Variants in ARF6 observed in about 807,000 individuals in gnomAD.
ARF6 encodes the protein ARF GTPase 6, also known as ADP-ribosylation factor 6.
For synonymous variants in ARF6, 127 were observed against 95.5 expected, an observed-to-expected ratio of 1.33 and a Z score of -1.92; for missense variants, 75 against 232.0, an observed-to-expected ratio of 0.32 and a Z score of 4.40.
chr14:49,895,324 A>G lies in ARF6; in HGVS notation c.*1060A>G, dbSNP rs1894507383. ...AAAGGTTTACTTTGTTCATTAATAA[A>G]ACATTTAACAATTCAAATTATATGC... On this transcript the variant is annotated 3_prime_UTR_variant, in exon 2 of 2. Transcript: ENST00000298316. The G allele has an allele frequency of 6.0e-6, 1 of 167,100 alleles. No homozygotes were observed. The highest frequency in any genetic ancestry group is 2.1e-4 in the South Asian group (1 of 4,834). The allele number at this position is 167,100 out of a possible 1,614,324, so 10.4% of individuals were successfully genotyped here.
Position 49,894,000 on chromosome 14 carries a change from G to T in ARF6, c.264G>T (p.Val88=), listed in dbSNP as rs1566734469. The T allele has an allele frequency of 6.2e-7, 1 of 1,614,240 alleles. No homozygotes were observed. Among genetic ancestry groups the T allele is most frequent in the Non-Finnish European group, 8.5e-7 (1 of 1,180,054 alleles). Residue 88 remains valine (V), a synonymous_variant, in exon 2 of 2, where the codon GTG becomes GTT. Coordinates refer to ENST00000298316, the MANE Select transcript of ARF6 (RefSeq NM_001663.4). The part of the protein sequence containing the change: ...YTGTQGLIFV[V]DCADRDRIDE... ...GGACCCAAGGTCTCATCTTCGTAGT[G>T]GACTGCGCCGACCGCGACCGCATCG...
rs1280607927 is a variant in ARF6, at chr14:49,893,717, G to A, written c.-20G>A. On this transcript the variant is annotated 5_prime_UTR_variant, in exon 2 of 2. Transcript: ENST00000298316. ...GACCCGGGACACCTGAATGCCCCCG[G>A]CCCCGGCTCCTCCGACGCGATGGGG... is the stretch of plus-strand genomic sequence containing the variant. 1 of 1,604,520 alleles carries A rather than the reference G, an allele frequency of 6.2e-7. No homozygotes were observed. Among genetic ancestry groups the A allele is most frequent in the Non-Finnish European group, 8.5e-7 (1 of 1,172,366 alleles).
rs140399482 is a variant in ARF6 at position 49,893,760 on chromosome 14, C to A, written c.24C>A (p.Ile8=). 7.4e-4 allele frequency: 1,193 copies of A among 1,614,078 alleles called. 1 individual carries two copies. The highest frequency in any genetic ancestry group is 9.2e-4 in the Non-Finnish European group (1,083 of 1,179,884). Residue 8 remains isoleucine, a synonymous_variant, in exon 2 of 2, where the codon ATC becomes ATA. Transcript: ENST00000298316. ...CGATGGGGAAGGTGCTATCCAAAAT[C>A]TTCGGGAACAAGGAAATGCGGATCC... The part of the protein sequence containing the change: MGKVLSK[I]FGNKEMRILM...
rs1594841472 is a variant in ARF6, at chr14:49,894,997, C to A, written c.*733C>A. ...TCAGCAAGTAAGTTCTGAAACACAT[C>A]ATGCATGAGTAGGAATAAAACCCAA... On this transcript the variant is annotated 3_prime_UTR_variant, in exon 2 of 2. Transcript: ENST00000298316. 2 of 167,014 alleles carry A rather than the reference C, an allele frequency of 1.2e-5. No homozygotes were observed. The highest frequency in any genetic ancestry group is 2.4e-5 in the African/African-American group (1 of 41,444). 10.3% of individuals were successfully genotyped at this position (167,014 alleles called of 1,614,324 possible).
Position 49,894,380 on chromosome 14 carries a change from GAGTTACT to G in ARF6, c.*117_*123del. On this transcript the variant is annotated 3_prime_UTR_variant, in exon 2 of 2. Coordinates refer to ENST00000298316, the MANE Select transcript of ARF6 (RefSeq NM_001663.4). ...TCTCTTCTTTTGAATTTGAACTCTG[GAGTTACT>G]GTTCTACAGTTTGGCGGGGACGGGG... The G allele has an allele frequency of 1.8e-6, 2 of 1,133,686 alleles. No individual in the cohort carries two copies. The highest frequency in any genetic ancestry group is 1.2e-6 in the Non-Finnish European group (1 of 810,252). 70.2% of individuals were successfully genotyped at this position (1,133,686 alleles called of 1,614,324 possible).
chr14:49,894,295 G>C lies in ARF6; in HGVS notation c.*31G>C. Reference sequence around the variant, plus strand: ...ATTCTCCACCCATCCCCTGGAAGGAGAGAAATCAAAAACCCATTCATAGGA... The same window carrying C: ...ATTCTCCACCCATCCCCTGGAAGGACAGAAATCAAAAACCCATTCATAGGA... On this transcript the variant is annotated 3_prime_UTR_variant, in exon 2 of 2. Transcript: ENST00000298316. The C allele has an allele frequency of 1.3e-6, 2 of 1,558,634 alleles. No individual in the cohort carries two copies. The highest frequency in any genetic ancestry group is 4.6e-5 in the East Asian group (2 of 43,544).
In ARF6 at chr14:49,894,516, T is replaced by A. The variant is rs1281809569; in HGVS notation, c.*252T>A. 5.1e-6 allele frequency: 2 copies of A among 388,868 alleles called. No homozygotes were observed. The highest frequency in any genetic ancestry group is 4.3e-5 in the African/African-American group (2 of 46,358). The allele number at this position is 388,868 out of a possible 1,614,324, so 24.1% of individuals were successfully genotyped here. ...GGATGCTCTGATCTGACATTTGACATGAACACAAAGTTGCTAGATGCTCTT... is the reference window on the plus strand; with the variant it reads ...GGATGCTCTGATCTGACATTTGACAAGAACACAAAGTTGCTAGATGCTCTT... On this transcript the variant is annotated 3_prime_UTR_variant, in exon 2 of 2. Transcript: ENST00000298316.
Position 49,894,454 on chromosome 14 carries a change from T to A in ARF6, c.*190T>A. On this transcript the variant is annotated 3_prime_UTR_variant, in exon 2 of 2. Transcript: ENST00000298316. ...TTTGTTTGTTTCCCTTTCTTTTTCC[T>A]TTTTTTTTTTTTTTTTTTTTTGTTG... The A allele has an allele frequency of 6.8e-4, 3 of 4,434 alleles. No homozygotes were observed. The highest frequency in any genetic ancestry group is 1.9e-3 in the Non-Finnish European group (3 of 1,548). 0.3% of individuals were successfully genotyped at this position (4,434 alleles called of 1,614,324 possible).
rs1383150121 is a variant in ARF6 at position 49,893,692 on chromosome 14, G to T, written c.-45G>T. 1.3e-6 allele frequency: 2 copies of T among 1,588,938 alleles called. No homozygotes were observed. The highest frequency in any genetic ancestry group is 1.1e-5 in the South Asian group (1 of 88,800). On this transcript the variant is annotated 5_prime_UTR_variant, in exon 2 of 2. Coordinates refer to ENST00000298316, the MANE Select transcript of ARF6 (RefSeq NM_001663.4). Reference sequence around the variant, plus strand: ...CGGCGGCGGCGTTGTTGGCTGAGGGGACCCGGGACACCTGAATGCCCCCGG... The same window carrying T: ...CGGCGGCGGCGTTGTTGGCTGAGGGTACCCGGGACACCTGAATGCCCCCGG...
At position 49,896,367 on chromosome 14, in the gene ARF6, T is replaced by C. The variant is rs955564973; in HGVS notation, c.*2103T>C. The C allele has an allele frequency of 1.8e-5, 3 of 167,032 alleles. No homozygotes were observed. The highest frequency in any genetic ancestry group is 4.8e-5 in the African/African-American group (2 of 41,438). 10.3% of individuals were successfully genotyped at this position (167,032 alleles called of 1,614,324 possible). On this transcript the variant is annotated 3_prime_UTR_variant, in exon 2 of 2. Transcript: ENST00000298316. ...GATTGCATTTTAAAGTATATAAATA[T>C]GGGTTATCCAATATCAATGCTATAG...
rs61755571 is a variant in ARF6, at chr14:49,894,136, G to A, written c.400G>A (p.Glu134Lys). The A allele has an allele frequency of 6.2e-7, 1 of 1,614,120 alleles. No homozygotes were observed. The highest frequency in any genetic ancestry group is 8.5e-7 in the Non-Finnish European group (1 of 1,180,030). The change falls in exon 2 of 2, where the codon GAG (glutamate) becomes AAG (lysine). Residue 134 changes from glutamate to lysine, a missense_variant. Transcript: ENST00000298316. ...QDLPDAMKPH[E>K]IQEKLGLTRI... is the part of the protein sequence containing the mutation. ...CCTGCCCGATGCCATGAAACCCCAC[G>A]AGATCCAGGAGAAACTGGGCCTGAC...
At position 49,893,907 on chromosome 14, in the gene ARF6, C is replaced by T. The variant is rs1566734430; in HGVS notation, c.171C>T (p.Val57=). Residue 57 remains valine, a synonymous_variant, in exon 2 of 2, where the codon GTC becomes GTT. Transcript: ENST00000298316. ...FNVETVTYKN[V]KFNVWDVGGQ... is the part of the protein sequence containing the mutation. ...TGGAGACGGTGACTTACAAAAATGT[C>T]AAGTTCAACGTATGGGATGTGGGCG... The T allele has an allele frequency of 1.2e-6, 2 of 1,614,190 alleles. No individual in the cohort carries two copies. Among genetic ancestry groups the T allele is most frequent in the South Asian group, 1.1e-5 (1 of 91,068 alleles).
chr14:49,894,448 T>C lies in ARF6; in HGVS notation c.*184T>C. 1.9e-6 allele frequency: 1 copy of C among 520,334 alleles called. No homozygotes were observed. Among genetic ancestry groups the C allele is most frequent in the Non-Finnish European group, 3.2e-6 (1 of 314,142 alleles). 32.2% of individuals were successfully genotyped at this position (520,334 alleles called of 1,614,324 possible). A position where few individuals can be genotyped will look rare whatever the true frequency, so the allele number is the denominator to read the frequency against. On this transcript the variant is annotated 3_prime_UTR_variant, in exon 2 of 2. Coordinates refer to ENST00000298316, the MANE Select transcript of ARF6 (RefSeq NM_001663.4). The stretch of plus-strand genomic sequence containing the variant: ...TTCTCTTTTGTTTGTTTCCCTTTCT[T>C]TTTCCTTTTTTTTTTTTTTTTTTTT...
In ARF6 at chr14:49,894,027, T is replaced by G; in HGVS notation, c.291T>G (p.Asp97Glu). 1.2e-6 allele frequency: 2 copies of G among 1,614,182 alleles called. No individual in the cohort carries two copies. The highest frequency in any genetic ancestry group is 4.5e-5 in the East Asian group (2 of 44,882). ...VVDCADRDRI[D>E]EARQELHRII... is the part of the protein sequence containing the mutation. ...ACTGCGCCGACCGCGACCGCATCGA[T>G]GAGGCTCGCCAGGAGCTGCACCGCA... The change falls in exon 2 of 2, where the codon GAT (aspartate) becomes GAG (glutamate). Residue 97 changes from aspartate to glutamate, a missense_variant. Asp to Glu is a conservative substitution (Grantham distance 45, BLOSUM62 2). Transcript: ENST00000298316.
chr14:49,894,225 T>C lies in ARF6; in HGVS notation c.489T>C (p.Tyr163=), dbSNP rs140506930. The change falls in exon 2 of 2, where the codon TAT becomes TAC. Residue 163 remains tyrosine (Y), a synonymous_variant. Transcript: ENST00000298316. ...GTGCCACCTCAGGGGACGGACTCTA[T>C]GAGGGGCTCACATGGTTAACCTCTA... ...PSCATSGDGL[Y]EGLTWLTSNY... is the part of the protein sequence containing the mutation. The C allele has an allele frequency of 8.0e-5, 129 of 1,613,936 alleles. 1 individual carries two copies. The African/African-American group carries it at 1.4e-3, about 17-fold the overall frequency.
Position 49,893,696 on chromosome 14 carries a change from CG to C in ARF6, c.-38del. On this transcript the variant is annotated 5_prime_UTR_variant, in exon 2 of 2. Coordinates refer to ENST00000298316, the MANE Select transcript of ARF6 (RefSeq NM_001663.4). Reference sequence around the variant, plus strand: ...GGCGGCGTTGTTGGCTGAGGGGACCCGGGACACCTGAATGCCCCCGGCCCCG... The same window carrying C: ...GGCGGCGTTGTTGGCTGAGGGGACCCGGACACCTGAATGCCCCCGGCCCCG... 6.3e-7 allele frequency: 1 copy of C among 1,591,876 alleles called. No individual in the cohort carries two copies. The highest frequency in any genetic ancestry group is 8.6e-7 in the Non-Finnish European group (1 of 1,165,482).
rs1192129115 is a variant in ARF6 at position 49,896,577 on chromosome 14, A to G, written c.*2313A>G. 1 of 166,988 alleles carries G rather than the reference A, an allele frequency of 6.0e-6. No homozygotes were observed. Among genetic ancestry groups the G allele is most frequent in the African/African-American group, 2.4e-5 (1 of 41,418 alleles). The allele number at this position is 166,988 out of a possible 1,614,324, so 10.3% of individuals were successfully genotyped here. ...AAATTTTATACATCAAGTGATTGCT[A>G]TTATTGAATGTTGCAGGTGAGATGT... On this transcript the variant is annotated 3_prime_UTR_variant, in exon 2 of 2. Coordinates refer to ENST00000298316, the MANE Select transcript of ARF6 (RefSeq NM_001663.4).
Position 49,895,460 on chromosome 14 carries a change from A to G in ARF6, c.*1196A>G, listed in dbSNP as rs1406468031. On this transcript the variant is annotated 3_prime_UTR_variant, in exon 2 of 2. Coordinates refer to ENST00000298316, the MANE Select transcript of ARF6 (RefSeq NM_001663.4). ...AGATGAGTGATCCGCATCTCCATCA[A>G]TTAGAACACTGGAAAAGATGTTTTA... The G allele has an allele frequency of 1.8e-5, 3 of 167,262 alleles. No homozygotes were observed. The highest frequency in any genetic ancestry group is 4.8e-5 in the African/African-American group (2 of 41,608). 10.4% of individuals were successfully genotyped at this position (167,262 alleles called of 1,614,324 possible).
rs1378930737 is a variant in ARF6 at position 49,895,649 on chromosome 14, GA to G, written c.*1388del. On this transcript the variant is annotated 3_prime_UTR_variant, in exon 2 of 2. Transcript: ENST00000298316. ...TATTAAAGGGGACGTAGGATGAAGA[GA>G]AAGAACCTACAGATGACAATGAATG... is the stretch of plus-strand genomic sequence containing the variant. 6.0e-6 allele frequency: 1 copy of G among 167,052 alleles called. No individual in the cohort carries two copies. Among genetic ancestry groups the G allele is most frequent in the African/African-American group, 2.4e-5 (1 of 41,470 alleles). The allele number at this position is 167,052 out of a possible 1,614,324, so 10.3% of individuals were successfully genotyped here.
Sources: gnomAD v4.1 joint callset for allele counts on GRCh38, gnomAD v4.1.1 for gene constraint, MANE v1.5 for transcripts, NCBI Gene and HGNC (gene_info 2026-07-23, HGNC 2026-07-21) for gene names.